The following LMTK2 variants were observed in gnomAD, a reference collection of about 807,000 sequenced individuals.
LMTK2 encodes serine/threonine-protein kinase LMTK2.
LMTK2 carries 37 observed loss-of-function variants against 127.5 expected under a neutral mutation model. The observed-to-expected ratio is 0.29, with a 90% CI of 0.22 to 0.38. The LOEUF is 0.38. LMTK2 is among the 10% of genes least tolerant of loss of function. The pLI is 1.00. For missense variants in LMTK2, 1,694 were observed against 1,920.3 expected, an observed-to-expected ratio of 0.88 and a Z score of 2.20; for synonymous variants, 819 against 810.1, an observed-to-expected ratio of 1.01 and a Z score of -0.19.
intron 3 of LMTK2, among the ~76,000 whole-genome samples, chr7:98,145,360 GT>G (rs907581055): frequency 9.9e-5 from 15 of 151,564 alleles, no homozygotes; most frequent in African/African-American, 3.1e-4. Context: ...AAATTTTACA[GT>G]TTTTTTTAGA....
intron 1 of LMTK2, among the ~76,000 whole-genome samples, chr7:98,109,979 C>T (rs201816491): frequency 2.0e-5 from 3 of 152,092 alleles, no homozygotes; most frequent in South Asian, 2.1e-4. Context: ...AGCAGTTACA[C>T]GCCAAAAACC....
At chr7:98,188,941 T>C (rs1797478269) in intron 9 of LMTK2, among the ~76,000 whole-genome samples, 1 of 152,120 alleles carries the variant, frequency 6.6e-6, no homozygotes, top group Non-Finnish European at 1.5e-5. Context: ...ACTCCCATAA[T>C]GTGTGTATTT....
chr7:98,176,872 C>G (rs924024921), intron 7 of LMTK2, among the ~76,000 whole-genome samples: 1 of 152,152 alleles, frequency 6.6e-6, no homozygotes, highest in African/African-American at 2.4e-5. Context: ...TTACTGAATG[C>G]TTCCCACATG....
chr7:98,193,828 G>A lies in LMTK2; in HGVS notation c.3363G>A (p.Pro1121=), dbSNP rs146356729. The change falls in exon 11 of 14, where the codon CCG becomes CCA. Residue 1121 remains proline, a synonymous_variant. Coordinates refer to ENST00000297293, the MANE Select transcript of LMTK2 (RefSeq NM_014916.4). This position sits in a 1 kb window ranked among gnomAD's most constrained non-coding sequence, Gnocchi z 4.1. Reference sequence around the variant, plus strand: ...CCGAGAAAAGGTCTGAGGAGGTCCCGGGAACCTCCCCATCCGCCTTGGTGT... The same window carrying A: ...CCGAGAAAAGGTCTGAGGAGGTCCCAGGAACCTCCCCATCCGCCTTGGTGT... ...SEPEKRSEEV[P]GTSPSALVLV... The A allele has an allele frequency of 2.0e-5, 32 of 1,613,800 alleles. No individual in the cohort carries two copies. Among genetic ancestry groups the A allele is most frequent in the Middle Eastern group, 1.6e-4 (1 of 6,084 alleles).
intron 6 of LMTK2, among the ~76,000 whole-genome samples, chr7:98,170,617 G>C (rs551432057): frequency 7.8e-4 from 119 of 151,810 alleles, no homozygotes; most frequent in African/African-American, 2.6e-3. Flanking sequence ...AAAGCTATTG[G>C]CTTGCTTTCT....
intron 1 of LMTK2, among the ~76,000 whole-genome samples, chr7:98,131,159 A>T (rs776396359): frequency 6.6e-6 from 1 of 152,170 alleles, no homozygotes; most frequent in Non-Finnish European, 1.5e-5. Context: ...TCTCCAAAAG[A>T]TAAGGACTAC....
intron 3 of LMTK2, among the ~76,000 whole-genome samples, chr7:98,149,338 G>A (rs545522473): frequency 6.6e-6 from 1 of 152,320 alleles, no homozygotes; most frequent in Admixed American, 6.5e-5. Flanking sequence ...TGTCTCAGTG[G>A]ACTTTCTCCT....
At chr7:98,157,822 G>A (rs566420127) in intron 5 of LMTK2, among the ~76,000 whole-genome samples, 1 of 152,306 alleles carries the variant, frequency 6.6e-6, no homozygotes, top group East Asian at 1.9e-4. Flanking sequence ...GTTGCCAGGG[G>A]TACACATGGG....
At chr7:98,123,724 C>G (rs4729405) in intron 1 of LMTK2, among the ~76,000 whole-genome samples, 72,777 of 151,164 alleles carry the variant, frequency 0.48, 17,861 homozygotes, top group African/African-American at 0.57. Flanking sequence ...CACACACACA[C>G]ACAGACATAC....
rs1797569223 is a variant in LMTK2 at position 98,193,487 on chromosome 7, G to A, written c.3022G>A (p.Ala1008Thr). Residue 1008 changes from alanine (A) to threonine (T), a missense_variant, in exon 11 of 14, where the codon GCG (alanine) becomes ACG (threonine). This residue lies in a region of LMTK2 where 65 missense variants were observed against 116.5 expected (regional missense o/e 0.56). Transcript: ENST00000297293. This position sits in a 1 kb window ranked among gnomAD's most constrained non-coding sequence, Gnocchi z 4.1. ...TCTGGAGTCAGTGGATGTCCACGAA[G>A]CGCTACTGGACTCTTTAGGATCTCA... is the stretch of plus-strand genomic sequence containing the variant. ...DSLESVDVHE[A>T]LLDSLGSHTP... 1 of 1,614,118 alleles carries A rather than the reference G, an allele frequency of 6.2e-7. No individual in the cohort carries two copies.
intron 7 of LMTK2, among the ~76,000 whole-genome samples, chr7:98,174,714 G>T (rs1353110596): frequency 2.0e-5 from 3 of 152,224 alleles, no homozygotes; most frequent in Non-Finnish European, 2.9e-5. Flanking sequence ...TATAGGATTT[G>T]CCAGGTTGTA....
Position 98,208,896 on chromosome 7 carries a change from C to G in LMTK2, c.*3404C>G, listed in dbSNP as rs541196115. On this transcript the variant is annotated 3_prime_UTR_variant, in exon 14 of 14. Transcript: ENST00000297293. ...GGTTTGTCTTGCTGCTGTAAAAGGC[C>G]TTTCCAAACCCCTCCTTTTATTCCT... 7.9e-5 allele frequency: 12 copies of G among 152,318 alleles called. No individual in the cohort carries two copies. The South Asian group carries it at 2.5e-3, about 32-fold the overall frequency. 9.4% of individuals were successfully genotyped at this position (152,318 alleles called of 1,614,324 possible).
intron 6 of LMTK2, among the ~76,000 whole-genome samples, chr7:98,164,461 G>A (rs1484576947): frequency 6.6e-6 from 1 of 152,134 alleles, no homozygotes; most frequent in Admixed American, 6.5e-5. Context: ...AACCTCTTCT[G>A]TAAAATGGCA....
intron 1 of LMTK2, among the ~76,000 whole-genome samples, chr7:98,134,688 G>A (rs1371992244): frequency 4.6e-5 from 7 of 152,066 alleles, no homozygotes; most frequent in African/African-American, 1.7e-4. Flanking sequence ...AAATTCCAGT[G>A]GGGAAGCACA....
At chr7:98,147,195 G>A (rs925679359) in intron 3 of LMTK2, among the ~76,000 whole-genome samples, 2 of 151,184 alleles carry the variant, frequency 1.3e-5, no homozygotes, top group African/African-American at 2.4e-5. Context: ...TCTACAGTTT[G>A]TGTCTCAGTA....
intron 8 of LMTK2, among the ~76,000 whole-genome samples, chr7:98,186,238 A>G (rs1317428556): frequency 6.6e-6 from 1 of 151,802 alleles, no homozygotes; most frequent in Non-Finnish European, 1.5e-5. Flanking sequence ...TAATTTTTGT[A>G]TTTTTAGTGG....
intron 1 of LMTK2, among the ~76,000 whole-genome samples, chr7:98,121,994 A>AC (rs1796368606): frequency 1.3e-5 from 2 of 152,104 alleles, no homozygotes; most frequent in Non-Finnish European, 2.9e-5. Flanking sequence ...GACTGTCGAG[A>AC]CCGTGTCTCG....
chr7:98,152,603 A>G (rs1393025088), intron 4 of LMTK2, among the ~76,000 whole-genome samples: 1 of 152,126 alleles, frequency 6.6e-6, no homozygotes, highest in Non-Finnish European at 1.5e-5. Flanking sequence ...TTAGATATCT[A>G]GTTGGGAGGG....
At chr7:98,191,491 G>T (rs944019460) in intron 10 of LMTK2, 123 bp from the exon 11 acceptor site, 1 of 712,884 alleles carries the variant, frequency 1.4e-6, no homozygotes. Flanking sequence ...GGCAGAGGTT[G>T]CAGTGAGCCG....
Sources: gnomAD v4.1 joint callset for allele counts (sites outside exome capture counted in the v4.1 genomes callset) on GRCh38, gnomAD v4.1.1 for gene constraint, gnomAD v4.1.1 regional missense constraint, Gnocchi (gnomAD v3.1) non-coding constraint, MANE v1.5 for transcripts, NCBI Gene and HGNC (gene_info 2026-07-23, HGNC 2026-07-21) for gene names.